Variants in MAD1L1 observed in about 807,000 individuals in gnomAD.
MAD1L1 encodes mitotic spindle assembly checkpoint protein MAD1.
A neutral mutation model predicts 96.9 loss-of-function variants in MAD1L1; 95 were observed. That is an observed-to-expected ratio of 0.98 (90% confidence interval 0.83 to 1.16). The LOEUF (loss-of-function observed/expected upper bound fraction) is 1.16. MAD1L1 is among the 50% of genes most tolerant of loss of function. The pLI, the probability that MAD1L1 is intolerant of heterozygous loss-of-function variation, is 0.00. For missense variants in MAD1L1, 1,007 were observed against 954.4 expected, an observed-to-expected ratio of 1.06 and a Z score of -0.73; for synonymous variants, 473 against 396.6, an observed-to-expected ratio of 1.19 and a Z score of -2.29.
intron 14 of MAD1L1, among the ~76,000 whole-genome samples, chr7:1,984,483 G>A (rs142047100): frequency 1.3e-5 from 2 of 152,296 alleles, no homozygotes; most frequent in Non-Finnish European, 2.9e-5. Context: ...CGCAGATTAG[G>A]ACATAAATCC....
intron 18 of MAD1L1, among the ~76,000 whole-genome samples, chr7:1,888,868 G>C (rs1326627636): frequency 6.6e-6 from 1 of 152,214 alleles, no homozygotes. Flanking sequence ...CATGATGCCA[G>C]TGCGAGGGCA....
At position 1,936,704 on chromosome 7, in the gene MAD1L1, G is replaced by A. The variant is rs373139029; in HGVS notation, c.1790C>T (p.Ser597Leu). Residue 597 changes from serine to leucine, a missense_variant, in exon 17 of 19, where the codon TCG becomes TTG. Coordinates refer to ENST00000265854, the MANE Select transcript of MAD1L1 (RefSeq NM_001013836.2). Reference protein sequence around the residue: ...DLEAAAASLPSSKEVAELKKQ... With the variant: ...DLEAAAASLPLSKEVAELKKQ... ...GTGCCTACCTGCCACCTCCTTGGAC[G>A]ATGGCAGACTCGCGGCGGCAGCCTC... The A allele has an allele frequency of 1.7e-4, 264 of 1,555,820 alleles. 1 individual carries two copies. The highest frequency in any genetic ancestry group is 3.4e-4 in the Middle Eastern group (2 of 5,822).
rs1786903871 is a variant in MAD1L1 at position 2,103,151 on chromosome 7, C to A, written c.1074-33813G>T. ...CTGCTGCCTCTGCCTGGAACGGGCT[C>A]TCTCCCCTGCCCCTGCACCCTACAA... On this transcript the variant is annotated intron_variant, in intron 11 of 18. Transcript: ENST00000265854. This position sits in a 1 kb window ranked among gnomAD's most constrained non-coding sequence, Gnocchi z 4.3. Among the ~76,000 whole-genome samples, 1 of 152,180 alleles carries A rather than the reference C, an allele frequency of 6.6e-6. No homozygotes were observed. The highest frequency in any genetic ancestry group is 2.4e-5 in the African/African-American group (1 of 41,426).
rs539093850 is a variant in MAD1L1, at chr7:1,924,267, C to A, written c.1807+12420G>T. 3.9e-4 allele frequency among the ~76,000 whole-genome samples: 60 copies of A among 152,336 alleles called. 3 individuals carry two copies. The South Asian group carries it at 0.012, about 31-fold the overall frequency. The stretch of plus-strand genomic sequence containing the variant: ...CACATCACCACAGGAGTCCTTCTCG[C>A]GGCAGGGTGGCAGGCATTACACCCA... On this transcript the variant is annotated intron_variant, in intron 17 of 18. Transcript: ENST00000265854.
chr7:1,894,747 G>A (rs970008851), intron 18 of MAD1L1, among the ~76,000 whole-genome samples: 3 of 152,078 alleles, frequency 2.0e-5, no homozygotes, highest in African/African-American at 7.2e-5. Context: ...GCTGCTAGCA[G>A]GGCACATCAG....
chr7:1,932,394 G>C lies in MAD1L1; in HGVS notation c.1807+4293C>G, dbSNP rs549188669. On this transcript the variant is annotated intron_variant, in intron 17 of 18. Transcript: ENST00000265854. ...TGGTTTACTCCCTCATCCTTTGGGA[G>C]TGCATCCTCTGCCAGCTTCCTGAGA... Among the ~76,000 whole-genome samples, 112 of 152,352 alleles carry C rather than the reference G, an allele frequency of 7.4e-4. 1 individual carries two copies. Among genetic ancestry groups the C allele is most frequent in the Middle Eastern group, 3.4e-3 (1 of 294 alleles).
chr7:2,061,488 AG>A (rs1263984312), intron 12 of MAD1L1, among the ~76,000 whole-genome samples: 1 of 152,272 alleles, frequency 6.6e-6, no homozygotes, highest in African/African-American at 2.4e-5. Flanking sequence ...GCCTCAGGAA[AG>A]TAAGAACAAC....
intron 18 of MAD1L1, among the ~76,000 whole-genome samples, chr7:1,883,295 C>G (rs1406909641): frequency 6.6e-6 from 1 of 152,212 alleles, no homozygotes; most frequent in African/African-American, 2.4e-5. Flanking sequence ...CCACCATGAG[C>G]TCCTTAACAC....
At chr7:1,950,099 A>C (rs1779420506) in intron 16 of MAD1L1, among the ~76,000 whole-genome samples, 1 of 152,126 alleles carries the variant, frequency 6.6e-6, no homozygotes, top group South Asian at 2.1e-4. Flanking sequence ...GACAAAGGAC[A>C]AGGGCTCGTG....
intron 11 of MAD1L1, among the ~76,000 whole-genome samples, chr7:2,129,920 G>C (rs1788430389): frequency 6.6e-6 from 1 of 152,224 alleles, no homozygotes; most frequent in South Asian, 2.1e-4. Flanking sequence ...GGCACCCGCT[G>C]CCAGGAAGCT....
rs1780265379 is a variant in MAD1L1, at chr7:1,968,427, A to G, written c.1506-10708T>C. ...CTGTCCATGCCTCAGTCCGGCGATC[A>G]GGTCCACCGTCAACGCCAGCAGTCA... is the stretch of plus-strand genomic sequence containing the variant. On this transcript the variant is annotated intron_variant, in intron 15 of 18. Transcript: ENST00000265854. This position sits in a 1 kb window ranked among gnomAD's most constrained non-coding sequence, Gnocchi z 5.6. Among the ~76,000 whole-genome samples, 1 of 149,892 alleles carries G rather than the reference A, an allele frequency of 6.7e-6. No individual in the cohort carries two copies. The highest frequency in any genetic ancestry group is 6.6e-5 in the Admixed American group (1 of 15,076).
chr7:1,935,328 T>G (rs1778534182), intron 17 of MAD1L1, among the ~76,000 whole-genome samples: 1 of 152,226 alleles, frequency 6.6e-6, no homozygotes, highest in Non-Finnish European at 1.5e-5. Context: ...GCAGCCCTTG[T>G]GCAGGTGGGG....
chr7:1,956,184 G>A (rs1429675301), intron 16 of MAD1L1, among the ~76,000 whole-genome samples: 1 of 152,172 alleles, frequency 6.6e-6, no homozygotes, highest in Non-Finnish European at 1.5e-5. Context: ...GGGGCAGCCT[G>A]AGCCACCACA....
chr7:1,905,386 T>C (rs560099277), intron 17 of MAD1L1, among the ~76,000 whole-genome samples: 1,351 of 66,462 alleles, frequency 0.02, 106 homozygotes, highest in African/African-American at 0.045. Flanking sequence ...GCAGCGAGGA[T>C]GCAGTGGCCT....
intron 12 of MAD1L1, among the ~76,000 whole-genome samples, chr7:2,046,222 C>G (rs1398035047): frequency 6.6e-6 from 1 of 152,182 alleles, no homozygotes; most frequent in Non-Finnish European, 1.5e-5. Context: ...CCTTTCCAGG[C>G]CTGCACTCAC....
At chr7:2,108,182 T>C (rs1787193922) in intron 11 of MAD1L1, among the ~76,000 whole-genome samples, 1 of 152,232 alleles carries the variant, frequency 6.6e-6, no homozygotes, top group Non-Finnish European at 1.5e-5. Context: ...TGAATTCCGG[T>C]GGGATTCATG....
intron 10 of MAD1L1, among the ~76,000 whole-genome samples, chr7:2,149,555 G>A (rs926534233): frequency 7.9e-5 from 12 of 152,188 alleles, no homozygotes; most frequent in Non-Finnish European, 1.5e-4. Flanking sequence ...CACCCGCCAG[G>A]CCCCTGGCAC....
intron 16 of MAD1L1, 109 bp from the exon 17 acceptor site, chr7:1,937,006 A>G: frequency 1.2e-6 from 1 of 817,914 alleles, no homozygotes; most frequent in Admixed American, 2.4e-5. Flanking sequence ...CACGGGTCAC[A>G]CACAGCACAG....
rs117159417 is a variant in MAD1L1, at chr7:2,077,844, G to A, written c.1074-8506C>T. ...ACAACCTCCCAAACCACACGTGCTC[G>A]TCCTCCAGTCACAAGAACTGTACAC... On this transcript the variant is annotated intron_variant, in intron 11 of 18. Coordinates refer to ENST00000265854, the MANE Select transcript of MAD1L1 (RefSeq NM_001013836.2). Among the ~76,000 whole-genome samples, 501 of 152,294 alleles carry A rather than the reference G, an allele frequency of 3.3e-3. 1 individual carries two copies. Among genetic ancestry groups the A allele is most frequent in the African/African-American group, 9.7e-3 (405 of 41,568 alleles).
Sources: gnomAD v4.1 joint callset for allele counts (sites outside exome capture counted in the v4.1 genomes callset) on GRCh38, gnomAD v4.1.1 for gene constraint, Gnocchi (gnomAD v3.1) non-coding constraint, MANE v1.5 for transcripts, NCBI Gene and HGNC (gene_info 2026-07-23, HGNC 2026-07-21) for gene names.